GPHN: variants seen among roughly 807,000 people sequenced by gnomAD.
GPHN encodes the protein gephyrin.
A neutral mutation model predicts 95.5 loss-of-function variants in GPHN; 17 were observed. The ratio of observed to expected loss-of-function variants is 0.18; its 90% CI spans 0.12 to 0.27. GPHN has a LOEUF of 0.27. GPHN is among the 10% of genes least tolerant of loss of function. The pLI, the probability that GPHN is intolerant of heterozygous loss-of-function variation, is 1.00. For synonymous variants in GPHN, 320 were observed against 322.5 expected, an observed-to-expected ratio of 0.99 and a Z score of 0.08; for missense variants, 660 against 978.1, an observed-to-expected ratio of 0.67 and a Z score of 4.34.
At chr14:66,770,800 T>C (rs965524678) in intron 2 of GPHN, among the ~76,000 whole-genome samples, 4 of 152,168 alleles carry the variant, frequency 2.6e-5, no homozygotes, top group Admixed American at 6.6e-5. Flanking sequence ...TAATAACTTA[T>C]AGTATATTGT....
In GPHN at chr14:66,997,968, A is replaced by G. The variant is rs901587436; in HGVS notation, c.964-25665A>G. Among the ~76,000 whole-genome samples, 6 of 152,068 alleles carry G rather than the reference A, an allele frequency of 3.9e-5. No homozygotes were observed. In the South Asian group the frequency reaches 1.2e-3, roughly 32 times the overall value. On this transcript the variant is annotated intron_variant, in intron 9 of 22. Coordinates refer to ENST00000478722, the MANE Select transcript of GPHN (RefSeq NM_020806.5). The stretch of plus-strand genomic sequence containing the variant: ...TGCTAGTGTAAAAAATATATAACCC[A>G]TTTCTTTTTGCCACTTCATCCAGGC...
chr14:67,379,474 A>T, the GPHN span, among the ~76,000 whole-genome samples: 1 of 151,862 alleles, frequency 6.6e-6, no homozygotes. Context: ...TCTGTTTATC[A>T]TCTTGTTTCT....
the GPHN span, chr14:67,620,844 T>G: frequency 1.2e-6 from 2 of 1,606,974 alleles, no homozygotes; most frequent in Non-Finnish European, 1.7e-6. Context: ...AAATGGGTTT[T>G]TTTCCGACAC....
intron 5 of GPHN, among the ~76,000 whole-genome samples, chr14:66,904,269 G>T (rs1310248326): frequency 6.6e-6 from 1 of 152,064 alleles, no homozygotes; most frequent in East Asian, 1.9e-4. Flanking sequence ...GAATCAAGCA[G>T]GTTGCCCCTG....
chr14:67,391,588 T>C, the GPHN span, among the ~76,000 whole-genome samples: 3 of 152,150 alleles, frequency 2.0e-5, no homozygotes, highest in African/African-American at 7.2e-5. Flanking sequence ...ATGGGAGTGG[T>C]GCCGAGCCGT....
chr14:67,553,777 C>A, the GPHN span, among the ~76,000 whole-genome samples: 1 of 152,226 alleles, frequency 6.6e-6, no homozygotes, highest in Non-Finnish European at 1.5e-5. Context: ...GGTCAAGGAA[C>A]TCCTCTGGGA....
the GPHN span, among the ~76,000 whole-genome samples, chr14:67,548,800 C>T: frequency 6.6e-6 from 1 of 152,204 alleles, no homozygotes; most frequent in Non-Finnish European, 1.5e-5. Flanking sequence ...CCAGTGCAAC[C>T]ATGTGTACTT....
At chr14:67,194,068 A>G in the GPHN span, among the ~76,000 whole-genome samples, 1 of 151,952 alleles carries the variant, frequency 6.6e-6, no homozygotes, top group South Asian at 2.1e-4. Flanking sequence ...CCAGATATTC[A>G]TAGTGAACCT....
At chr14:67,472,183 C>G in the GPHN span, 2 of 152,238 alleles carry the variant, frequency 1.3e-5, no homozygotes, top group South Asian at 4.1e-4. Flanking sequence ...GAGGCTCTGG[C>G]AGAACCAGAA....
At chr14:66,558,971 A>C (rs2140252736) in intron 1 of GPHN, among the ~76,000 whole-genome samples, 1 of 145,790 alleles carries the variant, frequency 6.9e-6, no homozygotes, top group South Asian at 2.2e-4. Context: ...CCCACCTATG[A>C]GTGAGAATAT....
At chr14:66,790,215 T>C (rs1445835021) in intron 3 of GPHN, among the ~76,000 whole-genome samples, 1 of 152,206 alleles carries the variant, frequency 6.6e-6, no homozygotes, top group Non-Finnish European at 1.5e-5. Flanking sequence ...ATTTCTGGCT[T>C]TTGAACTTTA....
chr14:67,024,173 T>G (rs956060977), intron 10 of GPHN, among the ~76,000 whole-genome samples: 4 of 152,140 alleles, frequency 2.6e-5, no homozygotes, highest in African/African-American at 9.7e-5. Context: ...CTCAATTTAT[T>G]TATTGGTTTG....
At chr14:67,158,627 G>A (rs1274387265) in intron 18 of GPHN, among the ~76,000 whole-genome samples, 2 of 152,012 alleles carry the variant, frequency 1.3e-5, no homozygotes, top group Non-Finnish European at 2.9e-5. Context: ...ATAGACCTAG[G>A]TTTTTATTAT....
the GPHN span, among the ~76,000 whole-genome samples, chr14:67,536,099 A>T: frequency 6.7e-6 from 1 of 148,858 alleles, no homozygotes; most frequent in African/African-American, 2.6e-5. Context: ...TTTTGTTCTC[A>T]AGGAATGTTG....
At chr14:67,497,410 C>G in the GPHN span, among the ~76,000 whole-genome samples, 2 of 152,052 alleles carry the variant, frequency 1.3e-5, no homozygotes, top group Non-Finnish European at 2.9e-5. Flanking sequence ...GCCCTCCTTC[C>G]AGTGCCGGGA....
At chr14:67,315,233 GTTC>G in the GPHN span, among the ~76,000 whole-genome samples, 12 of 122,608 alleles carry the variant, frequency 9.8e-5, no homozygotes. Context: ...AAATTACTTT[GTTC>G]TTGATTTTTA....
chr14:66,587,564 G>T (rs2061472966), intron 1 of GPHN, among the ~76,000 whole-genome samples: 1 of 152,140 alleles, frequency 6.6e-6, no homozygotes. Flanking sequence ...TGCAAGTTTG[G>T]TTCAACTTAT....
chr14:67,095,966 C>CAAAAAAAAAAAAAAAAAAAAAAAA, intron 12 of GPHN, among the ~76,000 whole-genome samples: 2 of 67,082 alleles, frequency 3.0e-5, no homozygotes, highest in African/African-American at 4.4e-5. Flanking sequence ...AAGAAAAAGG[C>CAAAAAAAAAAAAAAAAAAAAAAAA]AAAAAAAAAA....
At chr14:67,642,793 C>T in the GPHN span, among the ~76,000 whole-genome samples, 1,424 of 74,334 alleles carry the variant, frequency 0.019, 1 homozygote, top group Middle Eastern at 0.069. Flanking sequence ...ACTACATTTT[C>T]TTTTTTTTTT....
Sources: gnomAD v4.1 joint callset for allele counts (sites outside exome capture counted in the v4.1 genomes callset) on GRCh38, gnomAD v4.1.1 for gene constraint, MANE v1.5 for transcripts, NCBI Gene and HGNC (gene_info 2026-07-23, HGNC 2026-07-21) for gene names.